CDC73: variants seen among roughly 807,000 people sequenced by gnomAD.
CDC73 encodes the protein parafibromin.
A neutral mutation model predicts 83.7 loss-of-function variants in CDC73; 21 were observed. The observed-to-expected ratio is 0.25, with a 90% CI of 0.18 to 0.36. CDC73 has a LOEUF of 0.36. Among genes scored for constraint, CDC73 ranks in the 10% least tolerant of loss-of-function variants. CDC73 has a pLI of 1.00. For synonymous variants in CDC73, 224 were observed against 212.9 expected, an observed-to-expected ratio of 1.05 and a Z score of -0.45; for missense variants, 342 against 653.3, an observed-to-expected ratio of 0.52 and a Z score of 5.19.
At chr1:193,235,504 C>T (rs773030187) in intron 14 of CDC73, among the ~76,000 whole-genome samples, 14 of 152,064 alleles carry the variant, frequency 9.2e-5, no homozygotes, top group South Asian at 4.1e-4. Flanking sequence ...TTGTTCCCAC[C>T]GCTTTAGTTA....
At chr1:193,195,197 T>C (rs1676981764) in intron 10 of CDC73, among the ~76,000 whole-genome samples, 1 of 152,142 alleles carries the variant, frequency 6.6e-6, no homozygotes. Flanking sequence ...GAATCTGCTT[T>C]ACTCAATCTT....
At chr1:193,195,472 A>T (rs777895425) in intron 10 of CDC73, among the ~76,000 whole-genome samples, 12 of 152,158 alleles carry the variant, frequency 7.9e-5, no homozygotes, top group Non-Finnish European at 1.3e-4. Context: ...GTGTAAAAAT[A>T]TCTGTTTAAG....
chr1:193,127,726 G>A (rs1321688883), intron 2 of CDC73: 1 of 151,906 alleles, frequency 6.6e-6, no homozygotes, highest in Middle Eastern at 3.5e-3. Context: ...GATTGAAAGA[G>A]TAGGATTCTA....
intron 10 of CDC73, among the ~76,000 whole-genome samples, chr1:193,155,262 G>A (rs904139535): frequency 1.6e-4 from 25 of 152,284 alleles, no homozygotes; most frequent in Non-Finnish European, 3.7e-4. Flanking sequence ...TTTTATGAAA[G>A]TAAGAATTAT....
At chr1:193,250,540 T>A in intron 16 of CDC73, 136 bp from the exon 17 acceptor site, 1 of 655,630 alleles carries the variant, frequency 1.5e-6, no homozygotes, top group Non-Finnish European at 2.7e-6. Flanking sequence ...GTCTTTATAT[T>A]TCCAGTTTTC....
At chr1:193,186,001 C>T (rs1333016327) in intron 10 of CDC73, 1 of 152,238 alleles carries the variant, frequency 6.6e-6, no homozygotes, top group Non-Finnish European at 1.5e-5. Context: ...GACTATCATA[C>T]ACAAGATATT....
chr1:193,250,016 T>G, intron 16 of CDC73, 145 bp downstream of exon 16: 1 of 747,076 alleles, frequency 1.3e-6, no homozygotes, highest in Non-Finnish European at 2.3e-6. Context: ...CAGTACATAA[T>G]TAACAATTTT....
intron 10 of CDC73, among the ~76,000 whole-genome samples, chr1:193,184,073 C>T (rs1276347841): frequency 6.6e-6 from 1 of 151,714 alleles, no homozygotes; most frequent in Non-Finnish European, 1.5e-5. Context: ...AGCATAAATA[C>T]ATAGTTTTGG....
intron 14 of CDC73, among the ~76,000 whole-genome samples, chr1:193,233,906 G>A (rs577401431): frequency 7.4e-4 from 112 of 151,736 alleles, no homozygotes; most frequent in Non-Finnish European, 1.3e-3. Context: ...TTCTTTAACC[G>A]GGAGTAAAAG....
At chr1:193,125,320 G>A (rs762068994) in intron 2 of CDC73, 103 bp downstream of exon 2, 3 of 749,484 alleles carry the variant, frequency 4.0e-6, no homozygotes, top group Middle Eastern at 2.9e-4. Context: ...GTGCAGTGGT[G>A]TGATCATAGC....
chr1:193,243,892 T>A (rs773876629), intron 15 of CDC73, among the ~76,000 whole-genome samples: 2 of 152,212 alleles, frequency 1.3e-5, no homozygotes, highest in Non-Finnish European at 2.9e-5. Flanking sequence ...AAGAATTGAA[T>A]CTTGATTAGT....
chr1:193,129,388 T>G, intron 2 of CDC73, among the ~76,000 whole-genome samples: 1 of 151,986 alleles, frequency 6.6e-6, no homozygotes, highest in Non-Finnish European at 1.5e-5. Flanking sequence ...CGCCTTGGCC[T>G]CCCGCAGTGC....
chr1:193,227,692 A>G (rs1479415557), intron 13 of CDC73, among the ~76,000 whole-genome samples: 2 of 152,240 alleles, frequency 1.3e-5, no homozygotes, highest in Non-Finnish European at 2.9e-5. Context: ...AGATGTATTT[A>G]AAGTTCTATA....
intron 14 of CDC73, among the ~76,000 whole-genome samples, chr1:193,233,617 C>T (rs1169106836): frequency 1.3e-5 from 2 of 152,116 alleles, no homozygotes; most frequent in African/African-American, 4.8e-5. Flanking sequence ...GTAAAAAATT[C>T]TTTCCACTTG....
chr1:193,194,408 T>C lies in CDC73; in HGVS notation c.973-9387T>C, dbSNP rs149563919. On this transcript the variant is annotated intron_variant, in intron 10 of 16. Coordinates refer to ENST00000367435, the MANE Select transcript of CDC73 (RefSeq NM_024529.5). Reference sequence around the variant, plus strand: ...GCTCTTAAGACTTACAGATCAACTTTTTTCACGCTGATTAACACTTCTGGT... The same window carrying C: ...GCTCTTAAGACTTACAGATCAACTTCTTTCACGCTGATTAACACTTCTGGT... Among the ~76,000 whole-genome samples the C allele has an allele frequency of 1.3e-3, 197 of 152,274 alleles. 1 individual carries two copies. The highest frequency in any genetic ancestry group is 4.6e-3 in the African/African-American group (191 of 41,568).
intron 15 of CDC73, among the ~76,000 whole-genome samples, chr1:193,245,680 G>A (rs1677942984): frequency 1.3e-5 from 2 of 152,080 alleles, no homozygotes; most frequent in African/African-American, 2.4e-5. Context: ...TCATATGGTA[G>A]TTCTCTTGGT....
At chr1:193,239,007 A>G (rs779815792) in intron 15 of CDC73, among the ~76,000 whole-genome samples, 1 of 152,158 alleles carries the variant, frequency 6.6e-6, no homozygotes, top group East Asian at 1.9e-4. Context: ...CTTCTCCCAT[A>G]ATTTTAAATA....
intron 10 of CDC73, among the ~76,000 whole-genome samples, chr1:193,162,357 T>G (rs908957233): frequency 7.9e-5 from 11 of 138,514 alleles, no homozygotes; most frequent in African/African-American, 2.2e-4. Context: ...TACATATATA[T>G]TATATATAGT....
At chr1:193,244,945 CAAT>C (rs1343633440) in intron 15 of CDC73, among the ~76,000 whole-genome samples, 1 of 152,074 alleles carries the variant, frequency 6.6e-6, no homozygotes, top group Non-Finnish European at 1.5e-5. Context: ...TTAGTGCCTA[CAAT>C]AATGCATAAT....
Sources: gnomAD v4.1 joint callset for allele counts (sites outside exome capture counted in the v4.1 genomes callset) on GRCh38, gnomAD v4.1.1 for gene constraint, MANE v1.5 for transcripts, NCBI Gene and HGNC (gene_info 2026-07-23, HGNC 2026-07-21) for gene names.